ARMC10: variants seen among roughly 807,000 people sequenced by gnomAD.
ARMC10 encodes the protein armadillo repeat-containing protein 10.
In ARMC10, 23 loss-of-function variants were observed where a neutral mutation model predicts 30.2. The observed-to-expected ratio is 0.76, with a 90% CI of 0.55 to 1.08. ARMC10 has a LOEUF of 1.08. Among genes scored for constraint, ARMC10 ranks in the 50% least tolerant of loss-of-function variants. The probability of loss-of-function intolerance (pLI) is 0.00; values close to 1 mark genes in which losing one functional copy is unlikely to be tolerated. For synonymous variants in ARMC10, 111 were observed against 164.4 expected (o/e 0.68, Z 2.48); for missense variants, 303 against 413.7 (o/e 0.73, Z 2.32).
chr7:103,075,154 C>T lies in ARMC10; in HGVS notation c.-119C>T. The T allele has an allele frequency of 2.9e-6, 2 of 690,630 alleles. No homozygotes were observed. Among genetic ancestry groups the T allele is most frequent in the Non-Finnish European group, 1.9e-6 (1 of 534,502 alleles). The allele number at this position is 690,630 out of a possible 1,614,324, so 42.8% of individuals were successfully genotyped here. A position where few individuals can be genotyped will look rare whatever the true frequency, so the allele number is the denominator to read the frequency against. ...GCTCAGACCCCATTTCCTTTCTCCA[C>T]ATCCAGGTCAGGTGGCGTTTGCTGT... On this transcript the variant is annotated 5_prime_UTR_variant, in exon 1 of 7. Transcript: ENST00000323716.
chr7:103,091,488 T>TTATATATATA (rs71110812), intron 4 of ARMC10, among the ~76,000 whole-genome samples: 1 of 29,004 alleles, frequency 3.4e-5, no homozygotes, highest in African/African-American at 3.8e-5. Context: ...AAGGGGTGAA[T>TTATATATATA]TATATATATA....
Position 103,092,561 on chromosome 7 carries a change from A to C in ARMC10, c.613A>C (p.Asn205His), listed in dbSNP as rs1313274703. Residue 205 changes from asparagine (N) to histidine (H), a missense_variant, in exon 5 of 7, where the codon AAC (asparagine) becomes CAC (histidine). By Grantham distance (68) the Asn-to-His change is moderately conservative. Transcript: ENST00000323716. The part of the protein sequence containing the change: ...VQLAGLTLLT[N>H]MTVTNDHQHM... Reference sequence around the variant, plus strand: ...GCTGGCTGGACTGACATTGTTGACAAACATGACTGTTACCAATGACCACCA... The same window carrying C: ...GCTGGCTGGACTGACATTGTTGACACACATGACTGTTACCAATGACCACCA... 1.2e-6 allele frequency: 2 copies of C among 1,610,484 alleles called. No homozygotes were observed. The highest frequency in any genetic ancestry group is 8.5e-7 in the Non-Finnish European group (1 of 1,177,072).
At chr7:103,094,345 CAT>C (rs10605901) in intron 5 of ARMC10, among the ~76,000 whole-genome samples, 1,677 of 152,228 alleles carry the variant, frequency 0.011, 34 homozygotes, top group African/African-American at 0.039. Flanking sequence ...GGAAAAAAAA[CAT>C]GTCTTAATAT....
intron 2 of ARMC10, chr7:103,081,978 T>TCCTGGCTTC: frequency 2.2e-6 from 1 of 455,434 alleles, no homozygotes; most frequent in South Asian, 1.6e-5. Flanking sequence ...CCTGTGACTT[T>TCCTGGCTTC]AGGCAGATCC....
chr7:103,085,611 T>C (rs796754477), intron 3 of ARMC10, among the ~76,000 whole-genome samples: 9,335 of 145,128 alleles, frequency 0.064, 325 homozygotes, highest in East Asian at 0.27. Context: ...CTCTTCTTTT[T>C]TTTTTTTTTT....
At chr7:103,087,562 T>C (rs1274455896) in intron 4 of ARMC10, among the ~76,000 whole-genome samples, 1 of 152,188 alleles carries the variant, frequency 6.6e-6, no homozygotes, top group Non-Finnish European at 1.5e-5. Context: ...ATGTTTATTA[T>C]TGAAACAGGA....
At position 103,075,187 on chromosome 7, in the gene ARMC10, A is replaced by G. The variant is rs1218745030; in HGVS notation, c.-86A>G. Reference sequence around the variant, plus strand: ...TCAGGTGGCGTTTGCTGTGGCGGCTAGGCCCGCGTGCGCTGGAGACCTCCG... The same window carrying G: ...TCAGGTGGCGTTTGCTGTGGCGGCTGGGCCCGCGTGCGCTGGAGACCTCCG... On this transcript the variant is annotated 5_prime_UTR_variant, in exon 1 of 7. Coordinates refer to ENST00000323716, the MANE Select transcript of ARMC10 (RefSeq NM_031905.5). 7 of 988,772 alleles carry G rather than the reference A, an allele frequency of 7.1e-6. 1 individual carries two copies. In the African/African-American group the frequency reaches 8.6e-5, roughly 12 times the overall value. 61.2% of individuals were successfully genotyped at this position (988,772 alleles called of 1,614,324 possible).
chr7:103,095,001 T>C (rs1025999275), intron 5 of ARMC10, among the ~76,000 whole-genome samples: 1 of 152,198 alleles, frequency 6.6e-6, no homozygotes, highest in African/African-American at 2.4e-5. Context: ...TTAAGCAAAG[T>C]ATTATGTCAT....
At chr7:103,085,843 C>T (rs1208606382) in intron 3 of ARMC10, among the ~76,000 whole-genome samples, 1 of 151,950 alleles carries the variant, frequency 6.6e-6, no homozygotes, top group Non-Finnish European at 1.5e-5. Context: ...TCTACCTCCT[C>T]ACCTCAAGTG....
At position 103,083,673 on chromosome 7, in the gene ARMC10, C is replaced by G. The variant is rs772711168; in HGVS notation, c.245-9C>G. 18 of 1,600,108 alleles carry G rather than the reference C, an allele frequency of 1.1e-5. No homozygotes were observed. Among genetic ancestry groups the G allele is most frequent in the Non-Finnish European group, 1.4e-5 (16 of 1,173,826 alleles). ...TAGCTTAACTTCAAATAACTTTCTT[C>G]TTATGCAGAAGACTTAACTGATGGT... On this transcript the variant is annotated splice_polypyrimidine_tract_variant and intron_variant, in intron 2 of 6. Transcript: ENST00000323716.
chr7:103,083,764 G>A lies in ARMC10; in HGVS notation c.327G>A (p.Glu109=), dbSNP rs1311946606. The A allele has an allele frequency of 1.2e-6, 2 of 1,614,110 alleles. No individual in the cohort carries two copies. The highest frequency in any genetic ancestry group is 1.1e-5 in the South Asian group (1 of 91,086). Residue 109 remains glutamate (E), a synonymous_variant, in exon 3 of 7, where the codon GAG becomes GAA. Transcript: ENST00000323716. The part of the protein sequence containing the change: ...QKLLYLLEST[E]DPVIIERALI... The stretch of plus-strand genomic sequence containing the variant: ...TCCTTTACCTGCTGGAGTCAACGGA[G>A]GATCCTGTAATTATTGAAAGAGCTT...
chr7:103,084,184 G>T lies in ARMC10; in HGVS notation c.393+354G>T, dbSNP rs1800632447. ...AAGTACATACTTTAAATTGTATATC[G>T]GTCTTATGAATATGATTCTGATGCT... is the stretch of plus-strand genomic sequence containing the variant. On this transcript the variant is annotated intron_variant, in intron 3 of 6. Transcript: ENST00000323716. 8.4e-6 allele frequency: 4 copies of T among 475,024 alleles called. No homozygotes were observed. The South Asian group carries it at 8.8e-5, about 10-fold the overall frequency. 29.4% of individuals were successfully genotyped at this position (475,024 alleles called of 1,614,324 possible). A position where few individuals can be genotyped will look rare whatever the true frequency, so the allele number is the denominator to read the frequency against.
intron 5 of ARMC10, among the ~76,000 whole-genome samples, chr7:103,094,268 C>T (rs1362969072): frequency 6.6e-6 from 1 of 152,146 alleles, no homozygotes; most frequent in Non-Finnish European, 1.5e-5. Context: ...CTTGTTACAT[C>T]CTCAATGAAA....
intron 5 of ARMC10, chr7:103,095,628 CT>C (rs1801694308): frequency 6.6e-6 from 1 of 152,084 alleles, no homozygotes; most frequent in Non-Finnish European, 1.5e-5. Flanking sequence ...TTCCAGGTAT[CT>C]TGTAGAAAGT....
At chr7:103,092,383 G>C (rs1426095757) in intron 4 of ARMC10, 94 bp from the exon 5 acceptor site, 10 of 668,016 alleles carry the variant, frequency 1.5e-5, no homozygotes, top group Non-Finnish European at 2.1e-5. Context: ...GTTCCATCCT[G>C]AGCAGTAGCC....
At position 103,092,632 on chromosome 7, in the gene ARMC10, T is replaced by TA; in HGVS notation, c.685dup (p.Thr229AsnfsTer19). ...TTACAGACCTGTTCCAGGTGTTACTTACTGGAAATGGAAACACGAAGGTAT... is the reference window on the plus strand; with the variant it reads ...TTACAGACCTGTTCCAGGTGTTACTTAACTGGAAATGGAAACACGAAGGTAT... On this transcript the variant is annotated frameshift_variant, in exon 5 of 7. Coordinates refer to ENST00000323716, the MANE Select transcript of ARMC10 (RefSeq NM_031905.5). LOFTEE classifies it high-confidence loss of function. 2.5e-6 allele frequency: 4 copies of TA among 1,573,952 alleles called. No individual in the cohort carries two copies. The highest frequency in any genetic ancestry group is 2.6e-6 in the Non-Finnish European group (3 of 1,148,474).
chr7:103,078,792 T>C (rs566080789), intron 2 of ARMC10, among the ~76,000 whole-genome samples: 2 of 152,264 alleles, frequency 1.3e-5, no homozygotes, highest in African/African-American at 4.8e-5. Context: ...GAAGAATCGC[T>C]TGAGCCCAGA....
chr7:103,075,470 C>T (rs1054710572), intron 1 of ARMC10, 59 bp downstream of exon 1: 3 of 1,265,874 alleles, frequency 2.4e-6, no homozygotes, highest in Non-Finnish European at 2.0e-6. Context: ...CTCCCCAGGC[C>T]GGGGTGGTGG....
chr7:103,090,456 C>T (rs1801211105), intron 4 of ARMC10, among the ~76,000 whole-genome samples: 1 of 152,144 alleles, frequency 6.6e-6, no homozygotes, highest in Admixed American at 6.5e-5. Flanking sequence ...GCCAAGAGTT[C>T]AAGACCAGTC....
Sources: allele counts gnomAD v4.1 joint callset (sites outside exome capture counted in the v4.1 genomes callset), GRCh38; gene constraint gnomAD v4.1.1; transcripts MANE v1.5; gene names NCBI Gene and HGNC (gene_info 2026-07-23, HGNC 2026-07-21).